RTN4RL1: variants seen among roughly 807,000 people sequenced by gnomAD.
The protein encoded by RTN4RL1 is reticulon 4 receptor like 1, also known as reticulon-4 receptor-like 1.
Under a neutral mutation model 25.6 loss-of-function variants are expected in RTN4RL1, and 7 were observed. The observed-to-expected ratio is 0.27, with a 90% CI of 0.16 to 0.51. The LOEUF (loss-of-function observed/expected upper bound fraction) is 0.51. Ranked by LOEUF, RTN4RL1 falls within the 20% of genes least tolerant of loss-of-function variation. The pLI is 0.97. For synonymous variants in RTN4RL1, 297 were observed against 288.2 expected (o/e 1.03, Z -0.31); for missense variants, 500 against 615.6 (o/e 0.81, Z 1.99).
chr17:2,008,514 G>C (rs1176129659), intron 1 of RTN4RL1, among the ~76,000 whole-genome samples: 1 of 152,086 alleles, frequency 6.6e-6, no homozygotes, highest in Non-Finnish European at 1.5e-5. Context: ...TGGGCTGTGG[G>C]GTTGTAGTGA....
At chr17:2,002,480 G>C (rs2066965774) in intron 1 of RTN4RL1, among the ~76,000 whole-genome samples, 1 of 150,612 alleles carries the variant, frequency 6.6e-6, no homozygotes, top group Non-Finnish European at 1.5e-5. Flanking sequence ...TTTTAGTACA[G>C]ATGGGGTTTC....
intron 1 of RTN4RL1, among the ~76,000 whole-genome samples, chr17:1,973,166 C>G (rs1297348510): frequency 6.6e-6 from 1 of 151,566 alleles, no homozygotes; most frequent in Non-Finnish European, 1.5e-5. Context: ...AGTTCAAGAC[C>G]GGCCTGGCCA....
At chr17:2,021,623 T>C (rs1175009280) in intron 1 of RTN4RL1, among the ~76,000 whole-genome samples, 7 of 149,664 alleles carry the variant, frequency 4.7e-5, no homozygotes, top group African/African-American at 7.4e-5. Flanking sequence ...GGTGCGATCT[T>C]GGCTCACTGT....
At position 1,956,738 on chromosome 17, in the gene RTN4RL1, CTTT is replaced by C. The variant is rs35830030; in HGVS notation, c.14-18933_14-18931del. ...AACATCACTGCATACCTGTCGGGAA[CTTT>C]TTTTTTTTTTTTTTTTTTTAAGATG... On this transcript the variant is annotated intron_variant, in intron 1 of 1. Transcript: ENST00000331238. Among the ~76,000 whole-genome samples, 220 of 132,578 alleles carry C rather than the reference CTTT, an allele frequency of 1.7e-3. 1 individual carries two copies. Among genetic ancestry groups the C allele is most frequent in the East Asian group, 4.6e-3 (20 of 4,368 alleles). 87.0% of individuals were successfully genotyped at this position (132,578 alleles called of 152,430 possible).
chr17:2,013,036 C>T (rs941196711), intron 1 of RTN4RL1, among the ~76,000 whole-genome samples: 2 of 152,134 alleles, frequency 1.3e-5, no homozygotes, highest in Non-Finnish European at 1.5e-5. Flanking sequence ...TCAGGTGATC[C>T]GCCCTCCTCG....
At chr17:1,980,101 T>C (rs1227932091) in intron 1 of RTN4RL1, among the ~76,000 whole-genome samples, 2 of 152,014 alleles carry the variant, frequency 1.3e-5, no homozygotes, top group African/African-American at 2.4e-5. Flanking sequence ...CCTCACTCCG[T>C]CGCCCAGCCT....
chr17:1,966,255 G>A (rs1350933720), intron 1 of RTN4RL1, among the ~76,000 whole-genome samples: 1 of 152,202 alleles, frequency 6.6e-6, no homozygotes, highest in Non-Finnish European at 1.5e-5. Flanking sequence ...TCTGCAAAAG[G>A]GTCCAAATGG....
intron 1 of RTN4RL1, among the ~76,000 whole-genome samples, chr17:1,969,562 A>G (rs1218941104): frequency 6.6e-6 from 1 of 152,154 alleles, no homozygotes; most frequent in Non-Finnish European, 1.5e-5. Flanking sequence ...AGCTTCCCTA[A>G]GCGAACAGCC....
intron 1 of RTN4RL1, among the ~76,000 whole-genome samples, chr17:1,968,639 C>A (rs1377714519): frequency 6.6e-6 from 1 of 152,116 alleles, no homozygotes; most frequent in South Asian, 2.1e-4. Flanking sequence ...CTCCCATCCC[C>A]GGGCCTGGGG....
At chr17:1,983,834 G>A (rs938614047) in intron 1 of RTN4RL1, among the ~76,000 whole-genome samples, 2 of 152,086 alleles carry the variant, frequency 1.3e-5, no homozygotes, top group African/African-American at 4.8e-5. Context: ...GAGCCACGGC[G>A]CCGGGTCCTG....
chr17:1,966,106 T>C (rs1366477228), intron 1 of RTN4RL1, among the ~76,000 whole-genome samples: 1 of 152,184 alleles, frequency 6.6e-6, no homozygotes, highest in Non-Finnish European at 1.5e-5. Context: ...TGCCCCTCTG[T>C]GATGGCTCAT....
chr17:1,952,343 T>G (rs147792660), intron 1 of RTN4RL1, among the ~76,000 whole-genome samples: 65,230 of 145,444 alleles, frequency 0.45, 15,645 homozygotes, highest in Middle Eastern at 0.58. Context: ...TTTTTTTTTT[T>G]TTTTTTTTTT....
intron 1 of RTN4RL1, among the ~76,000 whole-genome samples, chr17:1,977,169 CA>C (rs2066845842): frequency 6.6e-6 from 1 of 152,196 alleles, no homozygotes; most frequent in African/African-American, 2.4e-5. Flanking sequence ...GAAAATGGGT[CA>C]ATCTACGGAA....
At chr17:2,011,351 C>A (rs1319495068) in intron 1 of RTN4RL1, among the ~76,000 whole-genome samples, 1 of 152,240 alleles carries the variant, frequency 6.6e-6, no homozygotes, top group African/African-American at 2.4e-5. Context: ...ACCGCTCATC[C>A]ATGGATAAAG....
At chr17:1,982,488 G>A (rs1433814417) in intron 1 of RTN4RL1, among the ~76,000 whole-genome samples, 3 of 151,758 alleles carry the variant, frequency 2.0e-5, no homozygotes, top group African/African-American at 4.8e-5. Flanking sequence ...GGTGGCGGGC[G>A]CCTGTAGTCC....
intron 1 of RTN4RL1, among the ~76,000 whole-genome samples, chr17:2,000,889 A>C (rs1286733493): frequency 6.6e-6 from 1 of 151,900 alleles, no homozygotes; most frequent in Non-Finnish European, 1.5e-5. Context: ...ACCCAGCCTC[A>C]CCTTCAGCCC....
intron 1 of RTN4RL1, among the ~76,000 whole-genome samples, chr17:1,951,710 C>A (rs994113887): frequency 2.0e-5 from 3 of 152,066 alleles, no homozygotes; most frequent in Non-Finnish European, 4.4e-5. Context: ...GCCTCGGCCT[C>A]CCAAAGTGCT....
At chr17:1,957,611 C>T (rs903611812) in intron 1 of RTN4RL1, among the ~76,000 whole-genome samples, 1 of 152,002 alleles carries the variant, frequency 6.6e-6, no homozygotes, top group African/African-American at 2.4e-5. Context: ...GAGGCTGAGG[C>T]GGGTGGATCA....
At chr17:1,958,361 C>T (rs987973530) in intron 1 of RTN4RL1, among the ~76,000 whole-genome samples, 7 of 152,224 alleles carry the variant, frequency 4.6e-5, no homozygotes, top group Admixed American at 4.6e-4. Context: ...CAGTGCCCCA[C>T]CAGGCACCCC....
Sources: allele counts gnomAD v4.1 joint callset (sites outside exome capture counted in the v4.1 genomes callset), GRCh38; gene constraint gnomAD v4.1.1; transcripts MANE v1.5; gene names NCBI Gene and HGNC (gene_info 2026-07-23, HGNC 2026-07-21).